CPB1: variants seen among roughly 807,000 people sequenced by gnomAD.
CPB1 encodes the protein carboxypeptidase B1.
CPB1 carries 53 observed loss-of-function variants against 51.4 expected under a neutral mutation model. The observed-to-expected ratio is 1.03, with a 90% CI of 0.83 to 1.30. The LOEUF is 1.30. Ranked by LOEUF, CPB1 falls within the 50% of genes most tolerant of loss-of-function variation. The pLI is 0.00. For missense variants in CPB1, 494 were observed against 516.2 expected (o/e 0.96, Z 0.42); for synonymous variants, 189 against 186.9 (o/e 1.01, Z -0.09).
At position 148,859,823 on chromosome 3, in the gene CPB1, G is replaced by T. The variant is rs905645538; in HGVS notation, c.1075G>T (p.Ala359Ser). ...CTGTTTGCACATTTCAGATCCTGCT[G>T]CTGGGGGCTCTGACGACTGGGCTTA... is the stretch of plus-strand genomic sequence containing the variant. ...GPGATTIYPA[A>S]GGSDDWAYDQ... is the part of the protein sequence containing the mutation. The change falls in exon 11 of 11, where the codon GCT becomes TCT. Residue 359 changes from alanine (A) to serine (S), a missense_variant. By Grantham distance (99) the Ala-to-Ser change is moderately conservative. Coordinates refer to ENST00000282957, the MANE Select transcript of CPB1 (RefSeq NM_001871.3). The T allele has an allele frequency of 6.2e-7, 1 of 1,612,492 alleles. No homozygotes were observed. The highest frequency in any genetic ancestry group is 1.1e-5 in the South Asian group (1 of 90,740).
rs374833604 is a variant in CPB1, at chr3:148,828,787, T to TAC, written c.147+724_147+725dup. ...TAAACTAAAATAATCTGCTAGCTTA[T>TAC]ACACACACACACACATATACATACA... On this transcript the variant is annotated intron_variant, in intron 2 of 10. Transcript: ENST00000282957. Among the ~76,000 whole-genome samples the TAC allele has an allele frequency of 4.5e-3, 691 of 151,906 alleles. 1 individual carries two copies. The highest frequency in any genetic ancestry group is 7.3e-3 in the Non-Finnish European group (493 of 67,878).
At chr3:148,848,928 A>G (rs932498470) in intron 9 of CPB1, among the ~76,000 whole-genome samples, 2 of 152,232 alleles carry the variant, frequency 1.3e-5, no homozygotes, top group East Asian at 3.8e-4. Flanking sequence ...TTTTACTCAT[A>G]CTATATTGTT....
At chr3:148,829,206 G>A (rs1037664904) in intron 2 of CPB1, among the ~76,000 whole-genome samples, 2 of 152,026 alleles carry the variant, frequency 1.3e-5, no homozygotes, top group African/African-American at 4.8e-5. Context: ...CTTAGCACTG[G>A]TATACAGACT....
chr3:148,858,180 C>T (rs1713640814), intron 10 of CPB1, among the ~76,000 whole-genome samples: 1 of 152,128 alleles, frequency 6.6e-6, no homozygotes, highest in Non-Finnish European at 1.5e-5. Flanking sequence ...AAAGAACACA[C>T]CCAAAGACCA....
intron 3 of CPB1, among the ~76,000 whole-genome samples, chr3:148,837,417 T>G: frequency 6.6e-6 from 1 of 151,916 alleles, no homozygotes; most frequent in East Asian, 1.9e-4. Context: ...CTTTCTTTAC[T>G]TCTCAGACAT....
chr3:148,838,715 C>T (rs1249036611), intron 3 of CPB1, among the ~76,000 whole-genome samples: 1 of 152,098 alleles, frequency 6.6e-6, no homozygotes, highest in African/African-American at 2.4e-5. Flanking sequence ...CAAGTCACTG[C>T]ATTTTAGAAT....
intron 2 of CPB1, among the ~76,000 whole-genome samples, chr3:148,829,852 C>A (rs796199259): frequency 1.3e-5 from 2 of 152,078 alleles, no homozygotes. Flanking sequence ...ATTCATTAAC[C>A]TATTCTGCTT....
chr3:148,838,752 T>C (rs542071139), intron 3 of CPB1, among the ~76,000 whole-genome samples: 1 of 152,214 alleles, frequency 6.6e-6, no homozygotes, highest in African/African-American at 2.4e-5. Context: ...TATTTACTAA[T>C]CAAATGACCC....
chr3:148,828,404 G>A (rs992443379), intron 2 of CPB1, among the ~76,000 whole-genome samples: 2 of 152,124 alleles, frequency 1.3e-5, no homozygotes, highest in South Asian at 2.1e-4. Flanking sequence ...GATCAACTTG[G>A]ATATTACTGA....
chr3:148,828,461 T>A (rs1262684130), intron 2 of CPB1, among the ~76,000 whole-genome samples: 2 of 152,198 alleles, frequency 1.3e-5, no homozygotes, highest in Non-Finnish European at 2.9e-5. Context: ...ACATCCCATG[T>A]ATCATCTGTC....
rs369536390 is a variant in CPB1 at position 148,840,904 on chromosome 3, G to A, written c.403G>A (p.Glu135Lys). ...GGCTTGGACTCAACAAGTCGCCACT[G>A]AGAATCCAGCCCTCATCTCTCGCAG... ...IEAWTQQVATENPALISRSVI... is the reference protein window; with the variant it reads ...IEAWTQQVATKNPALISRSVI... Residue 135 changes from glutamate to lysine, a missense_variant, in exon 5 of 11, where the codon GAG becomes AAG. By Grantham distance (56) the Glu-to-Lys change is moderately conservative (BLOSUM62 1). Coordinates refer to ENST00000282957, the MANE Select transcript of CPB1 (RefSeq NM_001871.3). 21 of 1,614,052 alleles carry A rather than the reference G, an allele frequency of 1.3e-5. No individual in the cohort carries two copies. Among genetic ancestry groups the A allele is most frequent in the Non-Finnish European group, 1.8e-5 (21 of 1,180,010 alleles).
chr3:148,839,923 T>C (rs1162282094), intron 3 of CPB1, among the ~76,000 whole-genome samples: 1 of 151,474 alleles, frequency 6.6e-6, no homozygotes, highest in East Asian at 1.9e-4. Context: ...GAAAGGGAAG[T>C]GAAGTCACAC....
intron 6 of CPB1, among the ~76,000 whole-genome samples, chr3:148,843,662 A>T (rs573175305): frequency 2.6e-5 from 4 of 152,290 alleles, no homozygotes; most frequent in African/African-American, 9.6e-5. Flanking sequence ...CAAACAGTAT[A>T]TAAAAACTGT....
At chr3:148,855,813 T>C (rs1225324672) in intron 9 of CPB1, 1 of 152,180 alleles carries the variant, frequency 6.6e-6, no homozygotes, top group African/African-American at 2.4e-5. Context: ...GGTTCTGCCT[T>C]TCAGATAAAT....
chr3:148,844,767 GGTAA>G lies in CPB1; in HGVS notation c.778+4_778+7del. On this transcript the variant is annotated splice_donor_variant and splice_donor_region_variant and intron_variant, in intron 8 of 10. Coordinates refer to ENST00000282957, the MANE Select transcript of CPB1 (RefSeq NM_001871.3). LOFTEE classifies it high-confidence loss of function. ...CAGAAATTTTGATGCTGGTTGGTGT[GGTAA>G]GTATCTGGCTAGCCATTTTGCATGT... 1 of 1,613,386 alleles carries G rather than the reference GGTAA, an allele frequency of 6.2e-7. No homozygotes were observed. Among genetic ancestry groups the G allele is most frequent in the Non-Finnish European group, 8.5e-7 (1 of 1,179,464 alleles).
In CPB1 at chr3:148,841,067, C is replaced by T. The variant is rs950283398; in HGVS notation, c.474+92C>T. 3.9e-6 allele frequency: 4 copies of T among 1,038,186 alleles called. No individual in the cohort carries two copies. The South Asian group carries it at 4.5e-5, about 12-fold the overall frequency. 64.3% of individuals were successfully genotyped at this position (1,038,186 alleles called of 1,614,324 possible). ...ACATCTGTTTCACAGACACGCTTAT[C>T]CCAAACATTGTTATAACTCTTTCCT... On this transcript the variant is annotated intron_variant, in intron 5 of 10. Transcript: ENST00000282957.
chr3:148,834,593 T>A lies in CPB1; in HGVS notation c.243T>A (p.Asn81Lys), dbSNP rs771653360. The A allele has an allele frequency of 6.8e-6, 11 of 1,612,696 alleles. No individual in the cohort carries two copies. The Admixed American group carries it at 1.7e-4, about 24-fold the overall frequency. Residue 81 changes from asparagine (N) to lysine (K), a missense_variant, in exon 3 of 11, where the codon AAT becomes AAA. Physicochemically the swap from Asn to Lys is moderately conservative, Grantham distance 94. Transcript: ENST00000282957. ...VKAEDTVTVE[N>K]VLKQNELQYK... is the part of the protein sequence containing the mutation. ...CAGAAGATACTGTCACTGTGGAGAA[T>A]GTTCTAAAGCAGAATGAACTACAAT...
intron 9 of CPB1, among the ~76,000 whole-genome samples, chr3:148,847,872 A>T (rs1015380345): frequency 6.6e-6 from 1 of 152,184 alleles, no homozygotes; most frequent in African/African-American, 2.4e-5. Flanking sequence ...ATTTAATTTG[A>T]TGTATCATAC....
rs918199422 is a variant in CPB1 at position 148,859,777 on chromosome 3, A to T, written c.1067-38A>T. 11 of 1,547,202 alleles carry T rather than the reference A, an allele frequency of 7.1e-6. No individual in the cohort carries two copies. The Admixed American group carries it at 2.1e-4, about 29-fold the overall frequency. ...GCAATTTTTTAAAGCTCCTTCCTAG[A>T]TTTAAAGTTTTTTTTCACTGCTGTT... is the stretch of plus-strand genomic sequence containing the variant. On this transcript the variant is annotated intron_variant, in intron 10 of 10. Coordinates refer to ENST00000282957, the MANE Select transcript of CPB1 (RefSeq NM_001871.3).
Sources: allele counts gnomAD v4.1 joint callset (sites outside exome capture counted in the v4.1 genomes callset), GRCh38; gene constraint gnomAD v4.1.1; transcripts MANE v1.5; gene names NCBI Gene and HGNC (gene_info 2026-07-23, HGNC 2026-07-21).